Variants in PIBF1 observed in about 807,000 individuals in gnomAD.
PIBF1 encodes the protein progesterone immunomodulatory binding factor 1, also known as progesterone-induced-blocking factor 1.
PIBF1 carries 90 observed loss-of-function variants against 112.5 expected under a neutral mutation model. That is an observed-to-expected ratio of 0.80 (90% CI 0.67 to 0.95). The LOEUF is 0.95. PIBF1 is among the 40% of genes least tolerant of loss of function. The pLI is 0.00. For synonymous variants in PIBF1, 301 were observed against 288.6 expected (o/e 1.04, Z -0.44); for missense variants, 915 against 852.3 (o/e 1.07, Z -0.92).
At chr13:72,911,703 C>T (rs541816101) in intron 12 of PIBF1, among the ~76,000 whole-genome samples, 4 of 152,082 alleles carry the variant, frequency 2.6e-5, no homozygotes, top group African/African-American at 9.6e-5. Flanking sequence ...AAGAAAATAA[C>T]CACAATTTTA....
chr13:72,819,368 C>G (rs928752887), intron 5 of PIBF1, among the ~76,000 whole-genome samples: 4 of 152,012 alleles, frequency 2.6e-5, no homozygotes, highest in South Asian at 2.1e-4. Flanking sequence ...TGCTTCATTC[C>G]CCTGAGTATG....
intron 14 of PIBF1, among the ~76,000 whole-genome samples, chr13:72,956,554 G>T (rs2042450303): frequency 6.6e-6 from 1 of 152,274 alleles, no homozygotes; most frequent in Non-Finnish European, 1.5e-5. Flanking sequence ...TATACAATTT[G>T]ATCTATCTGT....
chr13:72,973,185 T>C (rs2042939491), intron 15 of PIBF1, among the ~76,000 whole-genome samples: 1 of 151,890 alleles, frequency 6.6e-6, no homozygotes. Flanking sequence ...AGCAGGAAGA[T>C]TGCTTGAGCC....
chr13:73,008,811 A>G (rs2044113838), intron 17 of PIBF1, among the ~76,000 whole-genome samples: 1 of 152,204 alleles, frequency 6.6e-6, no homozygotes, highest in South Asian at 2.1e-4. Context: ...CAAAGAAGGC[A>G]TGACATCGAA....
At chr13:72,974,563 C>T (rs1395374396) in intron 16 of PIBF1, among the ~76,000 whole-genome samples, 2 of 152,148 alleles carry the variant, frequency 1.3e-5, no homozygotes, top group African/African-American at 2.4e-5. Flanking sequence ...AAGTGATCCG[C>T]CTGCATCAGC....
chr13:73,013,954 A>G (rs1020808175), intron 17 of PIBF1, among the ~76,000 whole-genome samples: 4 of 152,128 alleles, frequency 2.6e-5, no homozygotes, highest in African/African-American at 9.7e-5. Context: ...AAGTGAAAAA[A>G]CAAAAATTGA....
intron 12 of PIBF1, among the ~76,000 whole-genome samples, chr13:72,914,905 C>T (rs111885415): frequency 0.014 from 2,113 of 152,206 alleles, 67 homozygotes; most frequent in African/African-American, 0.048. Flanking sequence ...TTTGCATTTC[C>T]TCTTTCTTCC....
At chr13:72,863,731 A>G (rs776955466) in intron 10 of PIBF1, among the ~76,000 whole-genome samples, 2 of 152,150 alleles carry the variant, frequency 1.3e-5, no homozygotes, top group Non-Finnish European at 2.9e-5. Context: ...AATTAAAACT[A>G]TTCTGCAATA....
chr13:72,798,198 A>G (rs2035290053), intron 5 of PIBF1, among the ~76,000 whole-genome samples, 172 bp downstream of exon 5: 1 of 152,208 alleles, frequency 6.6e-6, no homozygotes, highest in Non-Finnish European at 1.5e-5. Flanking sequence ...GTCATCTTAA[A>G]CATTGACAAG....
chr13:72,977,504 A>G (rs544158679), intron 16 of PIBF1, among the ~76,000 whole-genome samples: 1 of 152,192 alleles, frequency 6.6e-6, no homozygotes, highest in Non-Finnish European at 1.5e-5. Flanking sequence ...CACTGCACCC[A>G]GCCTAGCTCT....
chr13:72,887,707 A>G (rs2138534729), intron 10 of PIBF1, among the ~76,000 whole-genome samples: 1 of 152,148 alleles, frequency 6.6e-6, no homozygotes, highest in African/African-American at 2.4e-5. Context: ...TAATGTAAAA[A>G]TGTAATTTTC....
intron 14 of PIBF1, among the ~76,000 whole-genome samples, chr13:72,931,580 A>G (rs1235794917): frequency 6.6e-6 from 1 of 151,876 alleles, no homozygotes; most frequent in African/African-American, 2.4e-5. Context: ...GTTTTTTACT[A>G]ATCATTTTTA....
At chr13:72,993,745 CAAAAAA>C (rs34464067) in intron 16 of PIBF1, among the ~76,000 whole-genome samples, 8 of 98,870 alleles carry the variant, frequency 8.1e-5, no homozygotes, top group Non-Finnish European at 1.4e-4. Flanking sequence ...GACTCCATTT[CAAAAAA>C]AAAAAAAAAA....
intron 14 of PIBF1, among the ~76,000 whole-genome samples, chr13:72,953,992 C>T (rs920709860): frequency 6.6e-6 from 1 of 150,756 alleles, no homozygotes; most frequent in Non-Finnish European, 1.5e-5. Flanking sequence ...AGTCCTCACT[C>T]AGGCTCTCCA....
In PIBF1 at chr13:72,996,464, T is replaced by G. The variant is rs2139020472; in HGVS notation, c.2050-2358T>G. Among the ~76,000 whole-genome samples, 3 of 152,324 alleles carry G rather than the reference T, an allele frequency of 2.0e-5. No individual in the cohort carries two copies. The South Asian group carries it at 6.2e-4, about 32-fold the overall frequency. On this transcript the variant is annotated intron_variant, in intron 16 of 17. Coordinates refer to ENST00000326291, the MANE Select transcript of PIBF1 (RefSeq NM_006346.4). Reference sequence around the variant, plus strand: ...TAATGTCAAGAATAGATGTGTCGTTTGCTAATAGCTTTATACTAAAATAGT... The same window carrying G: ...TAATGTCAAGAATAGATGTGTCGTTGGCTAATAGCTTTATACTAAAATAGT...
intron 11 of PIBF1, among the ~76,000 whole-genome samples, chr13:72,903,086 C>G (rs888514777): frequency 6.6e-6 from 1 of 151,660 alleles, no homozygotes; most frequent in Non-Finnish European, 1.5e-5. Context: ...TTCGTAGAGA[C>G]GAGGTTTCAC....
At chr13:72,938,147 A>C (rs187839082) in intron 14 of PIBF1, among the ~76,000 whole-genome samples, 70 of 152,354 alleles carry the variant, frequency 4.6e-4, no homozygotes, top group Non-Finnish European at 8.7e-4. Context: ...GAATAAGGCC[A>C]AATTAACTGA....
intron 15 of PIBF1, among the ~76,000 whole-genome samples, chr13:72,967,517 AT>A (rs1194733987): frequency 6.6e-6 from 1 of 152,132 alleles, no homozygotes; most frequent in African/African-American, 2.4e-5. Flanking sequence ...TAAGAATTCA[AT>A]TTTATATCTG....
At chr13:72,877,738 TTTTTC>T (rs1199433830) in intron 10 of PIBF1, among the ~76,000 whole-genome samples, 12 of 151,852 alleles carry the variant, frequency 7.9e-5, no homozygotes, top group African/African-American at 2.2e-4. Flanking sequence ...TCATTTCTTT[TTTTTC>T]TTTTCTTTTC....
Sources: gnomAD v4.1 joint callset for allele counts (sites outside exome capture counted in the v4.1 genomes callset) on GRCh38, gnomAD v4.1.1 for gene constraint, MANE v1.5 for transcripts, NCBI Gene and HGNC (gene_info 2026-07-23, HGNC 2026-07-21) for gene names.